HSD17B12: variants seen among roughly 807,000 people sequenced by gnomAD.
HSD17B12 encodes very-long-chain 3-oxoacyl-CoA reductase.
HSD17B12 carries 32 observed loss-of-function variants against 39.3 expected under a neutral mutation model. The observed-to-expected ratio is 0.81, with a 90% CI of 0.61 to 1.09. HSD17B12 has a LOEUF of 1.09. Ranked by LOEUF, HSD17B12 falls within the 50% of genes least tolerant of loss-of-function variation. The probability of loss-of-function intolerance (pLI) is 0.00; values close to 1 mark genes in which losing one functional copy is unlikely to be tolerated. For missense variants in HSD17B12, 342 were observed against 382.9 expected, an observed-to-expected ratio of 0.89 and a Z score of 0.89; for synonymous variants, 150 against 146.7, an observed-to-expected ratio of 1.02 and a Z score of -0.16.
chr11:43,602,739 T>C, the HSD17B12 span, among the ~76,000 whole-genome samples: 1 of 152,052 alleles, frequency 6.6e-6, no homozygotes, highest in Non-Finnish European at 1.5e-5. Context: ...ATGTATGTAA[T>C]CCAGCTGTAT....
At chr11:43,842,426 C>T (rs1021583455) in intron 9 of HSD17B12, among the ~76,000 whole-genome samples, 1 of 152,182 alleles carries the variant, frequency 6.6e-6, no homozygotes, top group African/African-American at 2.4e-5. Context: ...GTCATAGCCA[C>T]TTGGTGTTAT....
chr11:43,613,851 G>A, the HSD17B12 span, among the ~76,000 whole-genome samples: 1 of 152,052 alleles, frequency 6.6e-6, no homozygotes, highest in Non-Finnish European at 1.5e-5. Context: ...ATTTTTAGTA[G>A]AGCCGGAGTT....
chr11:43,675,465 C>G, the HSD17B12 span, among the ~76,000 whole-genome samples: 1 of 152,060 alleles, frequency 6.6e-6, no homozygotes, highest in South Asian at 2.1e-4. Flanking sequence ...GTTAGTGTGG[C>G]TGGAATCAAG....
intron 4 of HSD17B12, among the ~76,000 whole-genome samples, chr11:43,811,531 A>G (rs1479476022): frequency 3.3e-5 from 5 of 152,164 alleles, no homozygotes; most frequent in African/African-American, 9.7e-5. Context: ...TCTCCGTGAT[A>G]CTATTTACTT....
intron 3 of HSD17B12, among the ~76,000 whole-genome samples, chr11:43,790,836 A>G (rs1950861009): frequency 6.6e-6 from 1 of 152,002 alleles, no homozygotes; most frequent in African/African-American, 2.4e-5. Context: ...TAATAAAAAA[A>G]TACAAAAATT....
intron 3 of HSD17B12, among the ~76,000 whole-genome samples, chr11:43,792,354 G>C (rs1349972928): frequency 6.6e-6 from 1 of 152,086 alleles, no homozygotes; most frequent in African/African-American, 2.4e-5. Context: ...AAACGTGCGA[G>C]ACATTTTTAT....
rs116186540 is a variant in HSD17B12 at position 43,685,582 on chromosome 11, C to T, written c.160+4595C>T. On this transcript the variant is annotated intron_variant, in intron 1 of 10. Transcript: ENST00000278353. Reference sequence around the variant, plus strand: ...TTTTTAACCTCTTTGAGCTGTGCTCCGTTGTCCCCAGTGGACAGAGGAAGA... The same window carrying T: ...TTTTTAACCTCTTTGAGCTGTGCTCTGTTGTCCCCAGTGGACAGAGGAAGA... Among the ~76,000 whole-genome samples, 1,225 of 152,286 alleles carry T rather than the reference C, an allele frequency of 8.0e-3. 18 individuals are homozygous for T. Among genetic ancestry groups the T allele is most frequent in the African/African-American group, 0.028 (1,177 of 41,552 alleles).
chr11:43,634,075 CAAAAAAAAAAAAAAAAAAA>C, the HSD17B12 span, among the ~76,000 whole-genome samples: 1 of 37,566 alleles, frequency 2.7e-5, no homozygotes, highest in Non-Finnish European at 4.5e-5. Flanking sequence ...AACTCCATCT[CAAAAAAAAAAAAAAAAAAA>C]AAAAAAAAAA....
intron 4 of HSD17B12, among the ~76,000 whole-genome samples, chr11:43,803,824 C>T (rs959369805): frequency 6.6e-6 from 1 of 152,036 alleles, no homozygotes; most frequent in Non-Finnish European, 1.5e-5. Flanking sequence ...CAGGCAAATG[C>T]CAAGAAATAC....
At chr11:43,672,350 A>G in the HSD17B12 span, among the ~76,000 whole-genome samples, 1 of 152,012 alleles carries the variant, frequency 6.6e-6, no homozygotes, top group Non-Finnish European at 1.5e-5. Context: ...CTCCCGGCCT[A>G]GCCCTTCATT....
At chr11:43,589,305 A>G in the HSD17B12 span, among the ~76,000 whole-genome samples, 9 of 152,072 alleles carry the variant, frequency 5.9e-5, no homozygotes, top group Non-Finnish European at 8.8e-5. Flanking sequence ...GATCCACTGA[A>G]CTTGTCCTAT....
At chr11:43,577,284 G>A in the HSD17B12 span, among the ~76,000 whole-genome samples, 1 of 152,256 alleles carries the variant, frequency 6.6e-6, no homozygotes, top group African/African-American at 2.4e-5. Flanking sequence ...GGGGACGAGA[G>A]GGTTAAGGAT....
At chr11:43,594,636 A>T in the HSD17B12 span, among the ~76,000 whole-genome samples, 1,348 of 152,030 alleles carry the variant, frequency 8.9e-3, 21 homozygotes, top group African/African-American at 0.032. Flanking sequence ...CTAAGAGCTA[A>T]TGATCTGACT....
chr11:43,714,655 G>C (rs1302276622), intron 1 of HSD17B12, among the ~76,000 whole-genome samples: 1 of 152,166 alleles, frequency 6.6e-6, no homozygotes, highest in Non-Finnish European at 1.5e-5. Flanking sequence ...TTCCAATTCT[G>C]TGAAGAAAGT....
chr11:43,719,626 AAATAT>A (rs757087383), intron 1 of HSD17B12, among the ~76,000 whole-genome samples: 4 of 129,754 alleles, frequency 3.1e-5, no homozygotes, highest in Non-Finnish European at 3.4e-5. Context: ...AAAAAAAAAA[AAATAT>A]ATATATATAT....
chr11:43,712,193 C>T (rs932991230), intron 1 of HSD17B12, among the ~76,000 whole-genome samples: 42 of 152,124 alleles, frequency 2.8e-4, no homozygotes, highest in African/African-American at 1.0e-3. Context: ...CTTTGGGAGG[C>T]GGAGGCGGGC....
the HSD17B12 span, among the ~76,000 whole-genome samples, chr11:43,610,386 G>A: frequency 6.6e-6 from 1 of 152,178 alleles, no homozygotes; most frequent in African/African-American, 2.4e-5. Context: ...CAGAATGCCA[G>A]GTACTGTATC....
intron 1 of HSD17B12, among the ~76,000 whole-genome samples, chr11:43,723,721 G>A (rs1004241873): frequency 2.6e-5 from 4 of 152,158 alleles, no homozygotes; most frequent in African/African-American, 4.8e-5. Flanking sequence ...GAGTCAAAAT[G>A]TACTAGTGAG....
At chr11:43,569,055 C>A in the HSD17B12 span, among the ~76,000 whole-genome samples, 1 of 152,178 alleles carries the variant, frequency 6.6e-6, no homozygotes, top group African/African-American at 2.4e-5. Flanking sequence ...TTTCACCTCA[C>A]CCAGGAGAAT....
Sources: allele counts gnomAD v4.1 joint callset (sites outside exome capture counted in the v4.1 genomes callset), GRCh38; gene constraint gnomAD v4.1.1; transcripts MANE v1.5; gene names NCBI Gene and HGNC (gene_info 2026-07-23, HGNC 2026-07-21).